TLN2: variants seen among roughly 807,000 people sequenced by gnomAD.
TLN2 encodes talin-2.
In TLN2, 118 loss-of-function variants were observed where a neutral mutation model predicts 294.7. The observed-to-expected ratio is 0.40, with a 90% CI of 0.34 to 0.47. TLN2 has a LOEUF of 0.47. Among genes scored for constraint, TLN2 ranks in the 20% least tolerant of loss-of-function variants. The pLI, the probability that TLN2 is intolerant of heterozygous loss-of-function variation, is 0.84. For synonymous variants in TLN2, 1,431 were observed against 1,304.5 expected, an observed-to-expected ratio of 1.10 and a Z score of -2.09; for missense variants, 3,083 against 3,282.2, an observed-to-expected ratio of 0.94 and a Z score of 1.48.
chr15:62,658,173 A>G (rs534360419), intron 9 of TLN2: 13 of 120,906 alleles, frequency 1.1e-4, no homozygotes, highest in South Asian at 1.9e-4. Flanking sequence ...AGAGGAAAGT[A>G]AAAAAAAAAA....
chr15:62,424,768 T>G (rs2034606458), intron 1 of TLN2, among the ~76,000 whole-genome samples: 2 of 152,072 alleles, frequency 1.3e-5, no homozygotes, highest in African/African-American at 4.8e-5. Flanking sequence ...TTCTCCTGCC[T>G]CAGCCTCCTG....
chr15:62,631,460 CTT>C (rs1358912394), intron 3 of TLN2, among the ~76,000 whole-genome samples: 9 of 151,300 alleles, frequency 5.9e-5, no homozygotes, highest in Admixed American at 5.9e-4. Flanking sequence ...CTTTCTCTTT[CTT>C]TCTCTCTCTC....
chr15:62,499,242 A>G (rs543862061), intron 1 of TLN2, among the ~76,000 whole-genome samples: 1 of 152,304 alleles, frequency 6.6e-6, no homozygotes, highest in East Asian at 1.9e-4. Context: ...TGAGCTCAGG[A>G]GTCCAAGATC....
chr15:62,401,237 A>G (rs1221646962), intron 1 of TLN2, among the ~76,000 whole-genome samples: 1 of 152,174 alleles, frequency 6.6e-6, no homozygotes, highest in Non-Finnish European at 1.5e-5. Context: ...TCCTAGTTCT[A>G]AAATTTTTTA....
chr15:62,472,504 G>C (rs2037537314), intron 1 of TLN2, among the ~76,000 whole-genome samples: 1 of 152,212 alleles, frequency 6.6e-6, no homozygotes, highest in Non-Finnish European at 1.5e-5. Context: ...CTTCAGCCCT[G>C]CACTGAGTAT....
chr15:62,472,719 G>A (rs955729632), intron 1 of TLN2, among the ~76,000 whole-genome samples: 5 of 152,170 alleles, frequency 3.3e-5, no homozygotes, highest in African/African-American at 1.2e-4. Flanking sequence ...GTAGTGGTGA[G>A]TGTGGGAAGG....
Position 62,761,924 on chromosome 15 carries a change from T to G in TLN2, c.4779+103T>G, listed in dbSNP as rs533763613. 6 of 1,442,124 alleles carry G rather than the reference T, an allele frequency of 4.2e-6. No individual in the cohort carries two copies. The African/African-American group carries it at 5.6e-5, about 13-fold the overall frequency. 89.3% of individuals were successfully genotyped at this position (1,442,124 alleles called of 1,614,324 possible). ...ACTCCAACAGCTCTCTCTGTCAACA[T>G]GTAGGCTACTGTTACTCTTGTCAAT... is the stretch of plus-strand genomic sequence containing the variant. On this transcript the variant is annotated intron_variant, in intron 38 of 58. Coordinates refer to ENST00000636159, the MANE Select transcript of TLN2 (RefSeq NM_015059.3).
chr15:62,601,372 T>C (rs903493044), intron 2 of TLN2, among the ~76,000 whole-genome samples: 35 of 152,230 alleles, frequency 2.3e-4, no homozygotes, highest in Middle Eastern at 3.2e-3. Context: ...TGGATTTTGG[T>C]GGTCGGTTTC....
chr15:62,668,914 A>G (rs941711820), intron 9 of TLN2, among the ~76,000 whole-genome samples: 6 of 152,170 alleles, frequency 3.9e-5, no homozygotes, highest in East Asian at 1.9e-4. Flanking sequence ...AAAATGTAGA[A>G]TCATAACAGG....
chr15:62,791,442 A>C (rs1462343867), intron 45 of TLN2, among the ~76,000 whole-genome samples: 1 of 152,184 alleles, frequency 6.6e-6, no homozygotes, highest in Non-Finnish European at 1.5e-5. Context: ...ATGGATTTAA[A>C]AGTTCTTTGG....
At chr15:62,752,897 T>C (rs568354715) in intron 35 of TLN2, among the ~76,000 whole-genome samples, 14 of 152,308 alleles carry the variant, frequency 9.2e-5, no homozygotes, top group Admixed American at 6.5e-4. Flanking sequence ...TTTTCAATGA[T>C]GATTGACCTC....
chr15:62,727,200 C>T lies in TLN2; in HGVS notation c.3358+11C>T, dbSNP rs768158546. 1.9e-5 allele frequency: 30 copies of T among 1,609,450 alleles called. No homozygotes were observed. The East Asian group carries it at 4.0e-4, about 22-fold the overall frequency. ...ACGAACACTACACAGGTGAGACCCA[C>T]GCCCTTCATGCCACTGTGGCCAGCT... On this transcript the variant is annotated intron_variant, in intron 28 of 58. Coordinates refer to ENST00000636159, the MANE Select transcript of TLN2 (RefSeq NM_015059.3).
At chr15:62,490,067 A>G (rs1995618) in intron 1 of TLN2, among the ~76,000 whole-genome samples, 23,969 of 152,262 alleles carry the variant, frequency 0.16, 1,938 homozygotes, top group Non-Finnish European at 0.18. Flanking sequence ...AGCACCTACA[A>G]TAAGTAACAG....
At chr15:62,536,585 C>T (rs2041364901) in intron 1 of TLN2, among the ~76,000 whole-genome samples, 1 of 152,124 alleles carries the variant, frequency 6.6e-6, no homozygotes, top group Admixed American at 6.5e-5. Context: ...TTTGTCTGTC[C>T]TCCCTAGGGT....
intron 50 of TLN2, among the ~76,000 whole-genome samples, chr15:62,801,345 T>C (rs1338576713): frequency 6.6e-6 from 1 of 152,202 alleles, no homozygotes; most frequent in Non-Finnish European, 1.5e-5. Context: ...GTTACTGCAA[T>C]GTGGATGATA....
chr15:62,454,917 G>A (rs1295054454), intron 1 of TLN2, among the ~76,000 whole-genome samples: 5 of 152,082 alleles, frequency 3.3e-5, no homozygotes, highest in Non-Finnish European at 7.4e-5. Flanking sequence ...AGAAGAGGTA[G>A]ACACTATCAT....
At chr15:62,527,442 A>T (rs2040803211) in intron 1 of TLN2, among the ~76,000 whole-genome samples, 2 of 152,064 alleles carry the variant, frequency 1.3e-5, no homozygotes, top group Non-Finnish European at 2.9e-5. Flanking sequence ...CTGGTTTATC[A>T]CCCGCTGTTG....
chr15:62,652,254 C>G (rs971059111), intron 6 of TLN2, 120 bp downstream of exon 6: 59 of 1,051,976 alleles, frequency 5.6e-5, no homozygotes, highest in Non-Finnish European at 7.1e-5. Flanking sequence ...ACGCCGAGTT[C>G]TGCCTAATCC....
chr15:62,471,206 G>A (rs557831072), intron 1 of TLN2, among the ~76,000 whole-genome samples: 6 of 152,174 alleles, frequency 3.9e-5, no homozygotes, highest in South Asian at 4.1e-4. Flanking sequence ...GCATGATGGC[G>A]TGTGCCTGTA....
Sources: gnomAD v4.1 joint callset for allele counts (sites outside exome capture counted in the v4.1 genomes callset) on GRCh38, gnomAD v4.1.1 for gene constraint, MANE v1.5 for transcripts, NCBI Gene and HGNC (gene_info 2026-07-23, HGNC 2026-07-21) for gene names.